KCNH7: variants seen among roughly 807,000 people sequenced by gnomAD.
KCNH7 encodes the protein voltage-gated inwardly rectifying potassium channel KCNH7.
KCNH7 carries 49 observed loss-of-function variants against 120.8 expected under a neutral mutation model. The observed-to-expected ratio is 0.41, with a 90% CI of 0.32 to 0.51. The LOEUF (loss-of-function observed/expected upper bound fraction) is 0.51. KCNH7 is among the 20% of genes least tolerant of loss of function. The probability of loss-of-function intolerance (pLI) is 0.38; values close to 1 mark genes in which losing one functional copy is unlikely to be tolerated. For missense variants in KCNH7, 1,097 were observed against 1,446.6 expected, an observed-to-expected ratio of 0.76 and a Z score of 3.92; for synonymous variants, 547 against 516.1, an observed-to-expected ratio of 1.06 and a Z score of -0.81.
At chr2:162,564,087 C>T (rs1402285159) in intron 2 of KCNH7, among the ~76,000 whole-genome samples, 1 of 152,016 alleles carries the variant, frequency 6.6e-6, no homozygotes, top group African/African-American at 2.4e-5. Context: ...GTATGCTTCT[C>T]CCCACATACA....
chr2:162,818,301 G>C (rs571199718), intron 2 of KCNH7, among the ~76,000 whole-genome samples: 1 of 151,836 alleles, frequency 6.6e-6, no homozygotes, highest in Non-Finnish European at 1.5e-5. Flanking sequence ...TAATGCAGGG[G>C]TCAATATTTA....
In KCNH7 at chr2:162,667,315, C is replaced by T. The variant is rs138958496; in HGVS notation, c.308-130235G>A. Among the ~76,000 whole-genome samples, 939 of 152,284 alleles carry T rather than the reference C, an allele frequency of 6.2e-3. 15 individuals carry two copies. Among genetic ancestry groups the T allele is most frequent in the African/African-American group, 0.021 (886 of 41,558 alleles). On this transcript the variant is annotated intron_variant, in intron 2 of 15. Transcript: ENST00000332142. ...GAATTACAGGCGTGAGCCACCATGC[C>T]CGGACTCCATCCATTCTTCATACAT...
chr2:162,707,752 A>T (rs1454819866), intron 2 of KCNH7, among the ~76,000 whole-genome samples: 1 of 152,128 alleles, frequency 6.6e-6, no homozygotes, highest in Non-Finnish European at 1.5e-5. Context: ...AAGAGACATC[A>T]CTGGACACAT....
At chr2:162,634,349 C>T (rs73028547) in intron 2 of KCNH7, among the ~76,000 whole-genome samples, 4,216 of 152,038 alleles carry the variant, frequency 0.028, 209 homozygotes, top group African/African-American at 0.097. Context: ...GGTAGAAGGG[C>T]ATGCCGTCTT....
chr2:162,714,935 A>G (rs189397519), intron 2 of KCNH7, among the ~76,000 whole-genome samples: 1 of 152,308 alleles, frequency 6.6e-6, no homozygotes, highest in East Asian at 1.9e-4. Flanking sequence ...TCTGTCCTAA[A>G]GCTATAGGTT....
rs13015882 is a variant in KCNH7, at chr2:162,567,411, C to T, written c.308-30331G>A. 3.0e-4 allele frequency among the ~76,000 whole-genome samples: 46 copies of T among 151,856 alleles called. 2 individuals are homozygous for T. The highest frequency in any genetic ancestry group is 1.3e-4 in the Non-Finnish European group (9 of 67,926). ...TGGAGTTGAGTAAAAGTGAGAATAGCGGATGTTACCACTATCATACATGTT... is the reference window on the plus strand; with the variant it reads ...TGGAGTTGAGTAAAAGTGAGAATAGTGGATGTTACCACTATCATACATGTT... On this transcript the variant is annotated intron_variant, in intron 2 of 15. Coordinates refer to ENST00000332142, the MANE Select transcript of KCNH7 (RefSeq NM_033272.4).
chr2:162,600,989 C>T lies in KCNH7; in HGVS notation c.308-63909G>A, dbSNP rs138583210. ...CAGGGTAAAATATGTTATTTATTAT[C>T]CTTGTACTATATTATTTTTAAAGTT... On this transcript the variant is annotated intron_variant, in intron 2 of 15. Transcript: ENST00000332142. Among the ~76,000 whole-genome samples, 249 of 152,106 alleles carry T rather than the reference C, an allele frequency of 1.6e-3. 1 individual carries two copies. The highest frequency in any genetic ancestry group is 5.5e-3 in the African/African-American group (228 of 41,526).
At chr2:162,395,217 A>ACGG (rs1686875878) in intron 11 of KCNH7, among the ~76,000 whole-genome samples, 1 of 151,784 alleles carries the variant, frequency 6.6e-6, no homozygotes, top group Non-Finnish European at 1.5e-5. Flanking sequence ...TCAACTATAC[A>ACGG]AGGATTGGTG....
chr2:162,490,632 G>T (rs2105710993), intron 6 of KCNH7, among the ~76,000 whole-genome samples: 1 of 152,192 alleles, frequency 6.6e-6, no homozygotes, highest in East Asian at 1.9e-4. Context: ...CAAACCTCTT[G>T]TGAGCCAATT....
At chr2:162,755,180 A>C (rs1191643154) in intron 2 of KCNH7, among the ~76,000 whole-genome samples, 1 of 152,094 alleles carries the variant, frequency 6.6e-6, no homozygotes, top group Non-Finnish European at 1.5e-5. Context: ...ATTACATAAA[A>C]AAAAAGGCCA....
intron 2 of KCNH7, among the ~76,000 whole-genome samples, chr2:162,542,043 G>A (rs1343749280): frequency 6.6e-6 from 1 of 151,872 alleles, no homozygotes; most frequent in African/African-American, 2.4e-5. Flanking sequence ...ACACAGACAT[G>A]GGCTGTGTTA....
At chr2:162,696,232 C>T (rs912343911) in intron 2 of KCNH7, among the ~76,000 whole-genome samples, 1 of 151,988 alleles carries the variant, frequency 6.6e-6, no homozygotes, top group African/African-American at 2.4e-5. Flanking sequence ...TATTTATCTA[C>T]ATTATAAAAA....
intron 2 of KCNH7, chr2:162,795,813 A>C (rs1162083175): frequency 1.3e-5 from 2 of 152,146 alleles, no homozygotes; most frequent in African/African-American, 4.8e-5. Flanking sequence ...TTTTACATTC[A>C]GAGAGGAAAG....
chr2:162,384,214 G>A (rs1271648220), intron 13 of KCNH7, among the ~76,000 whole-genome samples: 1 of 151,772 alleles, frequency 6.6e-6, no homozygotes, highest in Admixed American at 6.6e-5. Context: ...TTATTTCAGG[G>A]CATTTCTCCA....
intron 2 of KCNH7, among the ~76,000 whole-genome samples, chr2:162,778,455 T>C (rs1331300059): frequency 6.6e-6 from 1 of 152,150 alleles, no homozygotes; most frequent in Non-Finnish European, 1.5e-5. Context: ...AAACAGCGTC[T>C]TGGGTTACCA....
At chr2:162,442,599 C>T (rs1688458950) in intron 7 of KCNH7, among the ~76,000 whole-genome samples, 1 of 152,066 alleles carries the variant, frequency 6.6e-6, no homozygotes, top group South Asian at 2.1e-4. Flanking sequence ...TGGCTCACGC[C>T]TGTAATTCCA....
chr2:162,497,610 T>C (rs1311259792), intron 6 of KCNH7, among the ~76,000 whole-genome samples: 1 of 152,168 alleles, frequency 6.6e-6, no homozygotes, highest in Non-Finnish European at 1.5e-5. Context: ...AGAGGATATA[T>C]TTTAGAGAAT....
intron 2 of KCNH7, among the ~76,000 whole-genome samples, chr2:162,670,441 C>G (rs1177575846): frequency 1.5e-5 from 2 of 137,042 alleles, no homozygotes; most frequent in Middle Eastern, 4.0e-3. Context: ...CCACTCCACT[C>G]CAGCCTGGGC....
At chr2:162,393,121 T>C (rs1250953949) in intron 12 of KCNH7, among the ~76,000 whole-genome samples, 2 of 151,936 alleles carry the variant, frequency 1.3e-5, no homozygotes, top group African/African-American at 2.4e-5. Flanking sequence ...CCAGAGTTGA[T>C]GGAGAGGTTG....
Sources: allele counts gnomAD v4.1 joint callset (sites outside exome capture counted in the v4.1 genomes callset), GRCh38; gene constraint gnomAD v4.1.1; transcripts MANE v1.5; gene names NCBI Gene and HGNC (gene_info 2026-07-23, HGNC 2026-07-21).